LMBRD1: variants seen among roughly 807,000 people sequenced by gnomAD.
The protein encoded by LMBRD1 is lysosomal cobalamin transport escort protein LMBD1.
LMBRD1 carries 64 observed loss-of-function variants against 74.8 expected under a neutral mutation model. That is an observed-to-expected ratio of 0.86 (90% confidence interval 0.70 to 1.05). LMBRD1 has a LOEUF of 1.05. LMBRD1 is among the 50% of genes least tolerant of loss of function. The pLI is 0.00. For missense variants in LMBRD1, 652 were observed against 645.9 expected (o/e 1.01, Z -0.10); for synonymous variants, 204 against 216.3 (o/e 0.94, Z 0.50).
chr6:69,705,141 A>ATTAT, intron 9 of LMBRD1: 1 of 470,268 alleles, frequency 2.1e-6, no homozygotes, highest in South Asian at 2.1e-5. Flanking sequence ...TGGACAACAC[A>ATTAT]TTATTGGCAA....
At chr6:69,722,342 T>G (rs1766634031) in intron 7 of LMBRD1, among the ~76,000 whole-genome samples, 1 of 152,012 alleles carries the variant, frequency 6.6e-6, no homozygotes, top group Non-Finnish European at 1.5e-5. Flanking sequence ...GAGGAAATCA[T>G]GTGAAGGTAC....
chr6:69,735,868 A>G (rs1159465288), intron 7 of LMBRD1, among the ~76,000 whole-genome samples: 5 of 152,172 alleles, frequency 3.3e-5, no homozygotes, highest in African/African-American at 9.7e-5. Context: ...CTACCTCTCA[A>G]TGAAACTTTT....
chr6:69,739,494 G>A lies in LMBRD1; in HGVS notation c.563-1479C>T, dbSNP rs755086894. Reference sequence around the variant, plus strand: ...TGCATTACTCTGCTGCAATAAAAAGGAACTACTAATACAAATGAATTTCAC... The same window carrying A: ...TGCATTACTCTGCTGCAATAAAAAGAAACTACTAATACAAATGAATTTCAC... On this transcript the variant is annotated intron_variant, in intron 6 of 15. Transcript: ENST00000649934. 2.0e-5 allele frequency among the ~76,000 whole-genome samples: 3 copies of A among 152,024 alleles called. 1 individual carries two copies. Among genetic ancestry groups the A allele is most frequent in the African/African-American group, 4.8e-5 (2 of 41,374 alleles).
intron 3 of LMBRD1, among the ~76,000 whole-genome samples, chr6:69,773,517 G>C (rs936038277): frequency 6.6e-6 from 1 of 152,138 alleles, no homozygotes; most frequent in South Asian, 2.1e-4. Flanking sequence ...AACTCTCTTA[G>C]GTGCTCTAAA....
intron 7 of LMBRD1, among the ~76,000 whole-genome samples, chr6:69,735,318 A>G (rs1243186109): frequency 6.6e-6 from 1 of 152,134 alleles, no homozygotes; most frequent in Non-Finnish European, 1.5e-5. Flanking sequence ...CATCTTGGGA[A>G]TGTGGGAGGA....
chr6:69,760,933 C>T (rs888675287), intron 3 of LMBRD1, among the ~76,000 whole-genome samples: 5 of 152,090 alleles, frequency 3.3e-5, no homozygotes, highest in African/African-American at 1.2e-4. Context: ...CTCTCCCTTG[C>T]GGAATCTTGG....
At chr6:69,719,192 G>C in intron 7 of LMBRD1, 111 bp from the exon 8 acceptor site, 2 of 947,916 alleles carry the variant, frequency 2.1e-6, no homozygotes, top group Non-Finnish European at 3.2e-6. Context: ...TTGTGAAAGA[G>C]TACAGTCACT....
intron 7 of LMBRD1, among the ~76,000 whole-genome samples, chr6:69,729,282 C>T (rs751325171): frequency 6.1e-4 from 91 of 149,856 alleles, no homozygotes; most frequent in Non-Finnish European, 1.1e-3. Flanking sequence ...AATTACAATA[C>T]GTCTGAGAAA....
intron 7 of LMBRD1, among the ~76,000 whole-genome samples, chr6:69,734,558 G>A (rs1298442326): frequency 6.6e-6 from 1 of 152,018 alleles, no homozygotes; most frequent in Non-Finnish European, 1.5e-5. Context: ...ACTAAGCCCG[G>A]CTAATTTTTG....
chr6:69,707,484 G>C (rs2149848947), intron 9 of LMBRD1, among the ~76,000 whole-genome samples: 1 of 152,120 alleles, frequency 6.6e-6, no homozygotes, highest in East Asian at 1.9e-4. Context: ...GTGTATTTTG[G>C]CTTGAATTCT....
At chr6:69,688,127 T>C (rs191890275) in intron 14 of LMBRD1, among the ~76,000 whole-genome samples, 1 of 152,242 alleles carries the variant, frequency 6.6e-6, no homozygotes, top group East Asian at 1.9e-4. Flanking sequence ...GAGACTGTCA[T>C]CACAAAGCAT....
intron 12 of LMBRD1, 128 bp from the exon 13 acceptor site, chr6:69,699,320 C>G (rs775285186): frequency 1.4e-5 from 11 of 798,376 alleles, no homozygotes; most frequent in Admixed American, 4.6e-5. Context: ...AAAGTAAATA[C>G]TAAAAGTTCT....
chr6:69,772,138 T>G (rs563072144), intron 3 of LMBRD1, among the ~76,000 whole-genome samples: 2 of 152,074 alleles, frequency 1.3e-5, no homozygotes, highest in South Asian at 4.1e-4. Flanking sequence ...TCTGTAACGG[T>G]TGGACATAGG....
In LMBRD1 at chr6:69,737,964, A is replaced by T. The variant is rs748002041; in HGVS notation, c.614T>A (p.Met205Lys). The T allele has an allele frequency of 6.2e-7, 1 of 1,611,308 alleles. No homozygotes were observed. The highest frequency in any genetic ancestry group is 8.5e-7 in the Non-Finnish European group (1 of 1,178,292). The change falls in exon 7 of 16, where the codon ATG becomes AAG. Residue 205 changes from methionine to lysine, a missense_variant. Physicochemically the swap from Met to Lys is moderately conservative, Grantham distance 95. This residue lies in a region of LMBRD1 where 598 missense variants were observed against 581.8 expected (regional missense o/e 1.03). Coordinates refer to ENST00000649934, the MANE Select transcript of LMBRD1 (RefSeq NM_018368.4). Reference protein sequence around the residue: ...FSISSLTLIGMLAAITYTAYG... With the variant: ...FSISSLTLIGKLAAITYTAYG... The stretch of plus-strand genomic sequence containing the variant: ...TACTGTGTAAGTTATAGCTGCCAAC[A>T]TTCCAATCAAGGTCAGAGAACTGAT...
chr6:69,703,943 G>C (rs1205153128), intron 9 of LMBRD1, among the ~76,000 whole-genome samples: 6 of 152,066 alleles, frequency 3.9e-5, no homozygotes, highest in Non-Finnish European at 5.9e-5. Flanking sequence ...GTCCAGGGAA[G>C]TTAATTTGTA....
chr6:69,768,349 T>C (rs566312478), intron 3 of LMBRD1, among the ~76,000 whole-genome samples: 2 of 152,044 alleles, frequency 1.3e-5, no homozygotes, highest in East Asian at 3.9e-4. Flanking sequence ...ATAAAATAAG[T>C]ATATTTTTGA....
chr6:69,741,695 A>T, intron 6 of LMBRD1, 94 bp downstream of exon 6: 1 of 797,696 alleles, frequency 1.3e-6, no homozygotes, highest in Non-Finnish European at 2.1e-6. Flanking sequence ...AGCTGGGGTT[A>T]AATTCTTAAC....
intron 3 of LMBRD1, among the ~76,000 whole-genome samples, chr6:69,766,662 T>A (rs1765479680): frequency 6.6e-6 from 1 of 151,804 alleles, no homozygotes; most frequent in African/African-American, 2.4e-5. Flanking sequence ...TGGCCTCAAG[T>A]GAGTTGGGAA....
At chr6:69,793,820 A>G (rs1766146883) in intron 1 of LMBRD1, among the ~76,000 whole-genome samples, 1 of 151,034 alleles carries the variant, frequency 6.6e-6, no homozygotes, top group Non-Finnish European at 1.5e-5. Context: ...CCTGGGCTCA[A>G]GCAATCCTCC....
Sources: allele counts gnomAD v4.1 joint callset (sites outside exome capture counted in the v4.1 genomes callset), GRCh38; gene constraint gnomAD v4.1.1; regional missense constraint gnomAD v4.1.1; transcripts MANE v1.5; gene names NCBI Gene and HGNC (gene_info 2026-07-23, HGNC 2026-07-21).